Variants in NOL7 observed in about 807,000 individuals in gnomAD.
The protein encoded by NOL7 is U3 small nucleolar RNA-associated protein NOL7.
In NOL7, 36 loss-of-function variants were observed where a neutral mutation model predicts 38.4. The observed-to-expected ratio is 0.94, with a 90% CI of 0.72 to 1.24. NOL7 has a LOEUF of 1.24. NOL7 is among the 50% of genes most tolerant of loss of function. The probability of loss-of-function intolerance (pLI) is 0.00; values close to 1 mark genes in which losing one functional copy is unlikely to be tolerated. For missense variants in NOL7, 350 were observed against 315.1 expected, an observed-to-expected ratio of 1.11 and a Z score of -0.84; for synonymous variants, 142 against 126.5, an observed-to-expected ratio of 1.12 and a Z score of -0.82.
At chr6:13,619,166 G>A (rs1287753139) in intron 5 of NOL7, among the ~76,000 whole-genome samples, 1 of 152,216 alleles carries the variant, frequency 6.6e-6, no homozygotes, top group African/African-American at 2.4e-5. Flanking sequence ...TGGTGCTGAT[G>A]CAAAGACAGT....
intron 8 of NOL7, chr6:13,632,374 A>G: frequency 6.2e-7 from 1 of 1,606,606 alleles, no homozygotes; most frequent in East Asian, 2.2e-5. Flanking sequence ...ATTCACCTTC[A>G]ACATTTTTTT....
chr6:13,615,611 G>C lies in NOL7; in HGVS notation c.253G>C (p.Glu85Gln). 1 of 1,595,576 alleles carries C rather than the reference G, an allele frequency of 6.3e-7. No individual in the cohort carries two copies. Among genetic ancestry groups the C allele is most frequent in the East Asian group, 2.3e-5 (1 of 44,192 alleles). Reference sequence around the variant, plus strand: ...GAGAGAAGAGGAGCGGCGAGTGCGGGAGACCGTGCGCAGGTTCGGAGCCCG... The same window carrying C: ...GAGAGAAGAGGAGCGGCGAGTGCGGCAGACCGTGCGCAGGTTCGGAGCCCG... ...EAREEERRVR[E>Q]TVRRDKTLLK... The change falls in exon 1 of 8, where the codon GAG becomes CAG. Residue 85 changes from glutamate to glutamine, a missense_variant. Coordinates refer to ENST00000451315, the MANE Select transcript of NOL7 (RefSeq NM_016167.5).
chr6:13,615,646 G>A (rs372750570), intron 1 of NOL7, 22 bp downstream of exon 1: 2 of 1,611,126 alleles, frequency 1.2e-6, no homozygotes, highest in African/African-American at 1.3e-5. Context: ...GCTGCCCGGC[G>A]GGGAGAACCG....
At chr6:13,629,282 A>G (rs1764710429) in intron 8 of NOL7, among the ~76,000 whole-genome samples, 1 of 152,168 alleles carries the variant, frequency 6.6e-6, no homozygotes. Context: ...AGCCTCGTGT[A>G]GTTATTTAAA....
chr6:13,620,582 T>C, intron 7 of NOL7, 97 bp downstream of exon 7: 1 of 1,224,572 alleles, frequency 8.2e-7, no homozygotes, highest in South Asian at 1.3e-5. Flanking sequence ...TTCCCCCTTA[T>C]AATGGCTTAT....
chr6:13,626,603 C>A (rs1019811100), downstream of NOL7, among the ~76,000 whole-genome samples: 2 of 152,098 alleles, frequency 1.3e-5, no homozygotes, highest in Non-Finnish European at 2.9e-5. Flanking sequence ...AAGTCAATAC[C>A]CTAATCCAGA....
Position 13,620,770 on chromosome 6 carries a change from A to G in NOL7, c.717A>G (p.Gln239=), listed in dbSNP as rs1482602763. The G allele has an allele frequency of 2.5e-6, 4 of 1,598,324 alleles. No homozygotes were observed. The highest frequency in any genetic ancestry group is 3.4e-6 in the Non-Finnish European group (4 of 1,174,006). Residue 239 remains glutamine (Q), a synonymous_variant, in exon 8 of 8, where the codon CAA becomes CAG. Coordinates refer to ENST00000451315, the MANE Select transcript of NOL7 (RefSeq NM_016167.5). ...ATATTCTAGGAATCCAAAAAAAACA[A>G]AATGCCAAGAGGTTTAAAAGACGGT... The part of the protein sequence containing the change: ...LNNAWGIQKK[Q]NAKRFKRRWM...
At chr6:13,618,177 A>AC (rs754836062) in intron 5 of NOL7, 38 bp downstream of exon 5, 2 of 1,011,142 alleles carry the variant, frequency 2.0e-6, no homozygotes, top group Admixed American at 4.1e-5. Context: ...TGTAAAGGAG[A>AC]CCTTTAAGAG....
downstream of NOL7, among the ~76,000 whole-genome samples, chr6:13,623,034 C>A (rs541217723): frequency 6.6e-6 from 1 of 152,044 alleles, no homozygotes; most frequent in South Asian, 2.1e-4. Context: ...TACAGCAGAG[C>A]CACCCCACAG....
rs779704719 is a variant in NOL7, at chr6:13,615,668, C to T, written c.266+44C>T. On this transcript the variant is annotated intron_variant, in intron 1 of 7. Coordinates refer to ENST00000451315, the MANE Select transcript of NOL7 (RefSeq NM_016167.5). ...GGCGGGGAGAACCGCCCTTTCTCGT[C>T]CCGCTTGTCCTTCCCTTTGCTGACT... 5.0e-6 allele frequency: 8 copies of T among 1,613,900 alleles called. No homozygotes were observed. The Admixed American group carries it at 8.3e-5, about 17-fold the overall frequency.
At chr6:13,625,760 G>A (rs754512695), downstream of NOL7, 2 of 1,590,994 alleles carry the variant, frequency 1.3e-6, no homozygotes, top group Non-Finnish European at 1.7e-6. Flanking sequence ...TAGACTGAAT[G>A]CATCCTGTTG....
chr6:13,622,704 G>GAT (rs2127756717), downstream of NOL7, among the ~76,000 whole-genome samples: 1 of 152,256 alleles, frequency 6.6e-6, no homozygotes, highest in South Asian at 2.1e-4. Context: ...TCAACTATAA[G>GAT]ATAAACTCTG....
At chr6:13,619,149 T>C (rs985845884) in intron 5 of NOL7, among the ~76,000 whole-genome samples, 2 of 152,252 alleles carry the variant, frequency 1.3e-5, no homozygotes, top group South Asian at 4.1e-4. Context: ...CCAGCCCTTA[T>C]GGTGCATGGT....
intron 8 of NOL7, among the ~76,000 whole-genome samples, chr6:13,627,896 G>A (rs1317107190): frequency 6.6e-6 from 1 of 151,976 alleles, no homozygotes; most frequent in Non-Finnish European, 1.5e-5. Flanking sequence ...ACACTGTCTA[G>A]TGCAGCAAAC....
chr6:13,632,456 T>C (rs771932058), exon 9 of NOL7: 4 of 1,613,926 alleles, frequency 2.5e-6, no homozygotes, highest in Non-Finnish European at 3.4e-6. Context: ...CCAAAGTGGA[T>C]CATTCTTTCT....
chr6:13,616,754 C>G (rs181699632), intron 3 of NOL7, among the ~76,000 whole-genome samples: 1 of 152,312 alleles, frequency 6.6e-6, no homozygotes, highest in Non-Finnish European at 1.5e-5. Flanking sequence ...CCATTGTGTT[C>G]ATTCAGTACA....
At chr6:13,618,821 G>T (rs1392287684) in intron 5 of NOL7, among the ~76,000 whole-genome samples, 1 of 152,156 alleles carries the variant, frequency 6.6e-6, no homozygotes, top group Non-Finnish European at 1.5e-5. Context: ...AGCCCAGGAG[G>T]TCGAGGCTGC....
downstream of NOL7, among the ~76,000 whole-genome samples, chr6:13,622,778 G>T (rs1016196572): frequency 6.6e-6 from 1 of 152,166 alleles, no homozygotes; most frequent in East Asian, 1.9e-4. Context: ...GATGGGAAAG[G>T]TACAATTTTT....
intron 8 of NOL7, among the ~76,000 whole-genome samples, chr6:13,630,019 C>T (rs982250348): frequency 1.3e-5 from 2 of 151,694 alleles, no homozygotes; most frequent in African/African-American, 4.8e-5. Context: ...TTAAAAAATG[C>T]TACAATTACA....
Sources: allele counts gnomAD v4.1 joint callset (sites outside exome capture counted in the v4.1 genomes callset), GRCh38; gene constraint gnomAD v4.1.1; transcripts MANE v1.5; gene names NCBI Gene and HGNC (gene_info 2026-07-23, HGNC 2026-07-21).